BECN1: variants seen among roughly 807,000 people sequenced by gnomAD.
The protein encoded by BECN1 is beclin 1.
BECN1 carries 15 observed loss-of-function variants against 60.1 expected under a neutral mutation model. That is an observed-to-expected ratio of 0.25 (90% CI 0.17 to 0.38). The LOEUF is 0.38. Among genes scored for constraint, BECN1 ranks in the 10% least tolerant of loss-of-function variants. BECN1 has a pLI of 1.00. For missense variants in BECN1, 424 were observed against 548.2 expected, an observed-to-expected ratio of 0.77 and a Z score of 2.26; for synonymous variants, 179 against 201.8, an observed-to-expected ratio of 0.89 and a Z score of 0.96.
intron 10 of BECN1, chr17:42,812,001 C>T (rs766485834): frequency 3.6e-6 from 2 of 561,216 alleles, no homozygotes; most frequent in East Asian, 3.1e-5. Flanking sequence ...GTTTCACTAT[C>T]AATGAAAATG....
chr17:42,811,881 G>C (rs2055016612), intron 10 of BECN1, 84 bp from the exon 11 acceptor site: 1 of 1,497,152 alleles, frequency 6.7e-7, no homozygotes. Context: ...AATCTCTCAA[G>C]TCATGTTCTG....
chr17:42,813,812 GA>G (rs1362198917), intron 10 of BECN1, 135 bp downstream of exon 10: 2 of 607,994 alleles, frequency 3.3e-6, no homozygotes, highest in Non-Finnish European at 5.6e-6. Flanking sequence ...AACTAGACAA[GA>G]TATTGAACAA....
chr17:42,819,665 C>T (rs188876498), intron 3 of BECN1, 56 bp from the exon 4 acceptor site: 3 of 1,550,320 alleles, frequency 1.9e-6, no homozygotes, highest in Non-Finnish European at 2.7e-6. Flanking sequence ...TAGAGTTCAT[C>T]TCCCAAACAG....
intron 4 of BECN1, 27 bp from the exon 5 acceptor site, chr17:42,818,904 C>T (rs1567672521): frequency 6.2e-7 from 1 of 1,612,458 alleles, no homozygotes; most frequent in Non-Finnish European, 8.5e-7. Flanking sequence ...GCCCACGGGC[C>T]ACATGAGGGA....
At position 42,819,620 on chromosome 17, in the gene BECN1, A is replaced by C; in HGVS notation, c.199-11T>G. 1 of 1,613,036 alleles carries C rather than the reference A, an allele frequency of 6.2e-7. No individual in the cohort carries two copies. Among genetic ancestry groups the C allele is most frequent in the Admixed American group, 1.7e-5 (1 of 59,876 alleles). On this transcript the variant is annotated splice_polypyrimidine_tract_variant and intron_variant, in intron 3 of 11. Coordinates refer to ENST00000590099, the MANE Select transcript of BECN1 (RefSeq NM_001313998.2). ...TTCAATAAATGGCTCCTGGGAAAGA[A>C]ATAAGAGGGCATTACAACTCTGGCA...
rs376566359 is a variant in BECN1 at position 42,818,780 on chromosome 17, G to A, written c.351+7C>T. 206 of 1,614,074 alleles carry A rather than the reference G, an allele frequency of 1.3e-4. 2 individuals carry two copies. The East Asian group carries it at 2.2e-3, about 17-fold the overall frequency. On this transcript the variant is annotated splice_region_variant and intron_variant, in intron 5 of 11. Transcript: ENST00000590099. ...TACTGCTTGCCACCGGAATGGGGCC[G>A]ACTTGCCTTCAGTCTTCGGCTGAGG...
In BECN1 at chr17:42,823,697, C is replaced by G. The variant is rs74433410; in HGVS notation, c.130+51G>C. ...CACCATAAGAATTATATCACCAAAG[C>G]TGCCCACCTTCCACATTCTTGACCA... On this transcript the variant is annotated intron_variant, in intron 2 of 11. Coordinates refer to ENST00000590099, the MANE Select transcript of BECN1 (RefSeq NM_001313998.2). 4.1e-3 allele frequency: 6,588 copies of G among 1,595,660 alleles called. 245 individuals carry two copies. The African/African-American group carries it at 0.076, about 19-fold the overall frequency.
rs377301305 is a variant in BECN1 at position 42,818,590 on chromosome 17, G to A, written c.442C>T (p.Leu148=). The A allele has an allele frequency of 3.7e-6, 6 of 1,614,198 alleles. 1 individual carries two copies. In the Admixed American group the frequency reaches 6.7e-5, roughly 18 times the overall value. Residue 148 remains leucine, a synonymous_variant, in exon 6 of 12, where the codon CTG becomes TTG. Coordinates refer to ENST00000590099, the MANE Select transcript of BECN1 (RefSeq NM_001313998.2). ...EECTDTLLDQ[L]DTQLNVTENE... ...TCAGTGACGTTGAGCTGAGTGTCCA[G>A]CTGGTCTAAAAGAGTATCTGTGCAT...
intron 7 of BECN1, among the ~76,000 whole-genome samples, chr17:42,816,783 C>T (rs917750894): frequency 6.6e-6 from 1 of 150,428 alleles, no homozygotes; most frequent in Non-Finnish European, 1.5e-5. Context: ...CCAGCCTGGC[C>T]AACATGGTGA....
chr17:42,823,660 A>G (rs1406893580), intron 2 of BECN1, 88 bp downstream of exon 2: 1 of 1,512,504 alleles, frequency 6.6e-7, no homozygotes, highest in African/African-American at 1.4e-5. Context: ...AGTTTGTGGC[A>G]GACTACACAG....
chr17:42,821,155 G>A (rs1466339776), intron 2 of BECN1, among the ~76,000 whole-genome samples: 1 of 152,116 alleles, frequency 6.6e-6, no homozygotes, highest in Non-Finnish European at 1.5e-5. Flanking sequence ...TGCCTCCCGG[G>A]TTCGAGTGAT....
intron 10 of BECN1, 79 bp from the exon 11 acceptor site, chr17:42,811,876 CTCAAG>C (rs774073180): frequency 1.7e-5 from 26 of 1,525,968 alleles, no homozygotes; most frequent in Non-Finnish European, 2.3e-5. Flanking sequence ...CTATCAATCT[CTCAAG>C]TCATGTTCTG....
chr17:42,820,548 C>G (rs2055241316), intron 3 of BECN1: 2 of 460,248 alleles, frequency 4.3e-6, no homozygotes, highest in Admixed American at 6.8e-5. Context: ...TTTAAAATGA[C>G]TAATTCAGTA....
chr17:42,818,180 G>C, intron 7 of BECN1, 41 bp downstream of exon 7: 2 of 1,594,766 alleles, frequency 1.3e-6, no homozygotes, highest in Non-Finnish European at 1.7e-6. Context: ...TCCTCTCCTG[G>C]AGCCTCGAGT....
chr17:42,811,292 T>C (rs564563885), intron 11 of BECN1: 1 of 278,490 alleles, frequency 3.6e-6, no homozygotes, highest in African/African-American at 2.2e-5. Flanking sequence ...GCAGCCTTAC[T>C]CTAAGTAAAA....
At chr17:42,820,531 C>A (rs1489300233) in intron 3 of BECN1, 1 of 429,760 alleles carries the variant, frequency 2.3e-6, no homozygotes, top group African/African-American at 2.0e-5. Flanking sequence ...AGAGCCCTTT[C>A]CAACATTTTA....
intron 2 of BECN1, 185 bp downstream of exon 2, chr17:42,823,563 T>TC: frequency 3.3e-6 from 3 of 899,958 alleles, no homozygotes; most frequent in Non-Finnish European, 4.7e-6. Context: ...CGGAAAGCTC[T>TC]CAGAAGTCCA....
chr17:42,822,586 G>C (rs2055291093), intron 2 of BECN1, among the ~76,000 whole-genome samples: 1 of 152,006 alleles, frequency 6.6e-6, no homozygotes, highest in Non-Finnish European at 1.5e-5. Flanking sequence ...TTTAATTATA[G>C]AGACAGGGTC....
intron 4 of BECN1, chr17:42,819,189 C>T (rs2055210013): frequency 2.1e-6 from 1 of 468,552 alleles, no homozygotes; most frequent in Non-Finnish European, 3.8e-6. Context: ...TATTATACCC[C>T]TTGCCAGCAA....
Sources: allele counts gnomAD v4.1 joint callset (sites outside exome capture counted in the v4.1 genomes callset), GRCh38; gene constraint gnomAD v4.1.1; transcripts MANE v1.5; gene names NCBI Gene and HGNC (gene_info 2026-07-23, HGNC 2026-07-21).